The following OPCML variants were observed in gnomAD, a reference collection of about 807,000 sequenced individuals.
OPCML encodes opioid-binding protein/cell adhesion molecule.
Under a neutral mutation model 37.8 loss-of-function variants are expected in OPCML, and 13 were observed. That is an observed-to-expected ratio of 0.34 (90% CI 0.22 to 0.55). The LOEUF is 0.55. Among genes scored for constraint, OPCML ranks in the 20% least tolerant of loss-of-function variants. The probability of loss-of-function intolerance (pLI) is 0.91; values close to 1 mark genes in which losing one functional copy is unlikely to be tolerated. For missense variants in OPCML, 341 were observed against 435.6 expected, an observed-to-expected ratio of 0.78 and a Z score of 1.93; for synonymous variants, 176 against 168.8, an observed-to-expected ratio of 1.04 and a Z score of -0.33.
intron 1 of OPCML, among the ~76,000 whole-genome samples, chr11:133,308,581 G>A (rs1214672971): frequency 2.0e-5 from 3 of 152,108 alleles, no homozygotes; most frequent in East Asian, 3.9e-4. Context: ...GTTTCTGTAT[G>A]AGTTAGTCCA....
intron 2 of OPCML, among the ~76,000 whole-genome samples, chr11:132,852,086 C>A (rs926404127): frequency 6.6e-6 from 1 of 152,166 alleles, no homozygotes; most frequent in Non-Finnish European, 1.5e-5. Context: ...TTCTTACCAC[C>A]AGAGACGGGC....
rs1946033199 is a variant in OPCML at position 133,427,764 on chromosome 11, A to G, written c.61+104500T>C. Among the ~76,000 whole-genome samples the G allele has an allele frequency of 2.0e-5, 3 of 152,194 alleles. No individual in the cohort carries two copies. The South Asian group carries it at 6.2e-4, about 32-fold the overall frequency. On this transcript the variant is annotated intron_variant, in intron 1 of 7. Transcript: ENST00000524381. ...ACCGAAATACACCAATAATCATGAG[A>G]AAGACAATAAATTATCAAAAAAGTT...
intron 3 of OPCML, among the ~76,000 whole-genome samples, chr11:132,620,352 A>T (rs562964311): frequency 6.6e-6 from 1 of 152,334 alleles, no homozygotes; most frequent in South Asian, 2.1e-4. Flanking sequence ...AGCTCTTGAG[A>T]AATTGGATGG....
chr11:133,479,684 C>A (rs1591545671), intron 1 of OPCML, among the ~76,000 whole-genome samples: 1 of 152,192 alleles, frequency 6.6e-6, no homozygotes, highest in Admixed American at 6.5e-5. Flanking sequence ...GGGGTCCTCA[C>A]CCATTTGGGC....
intron 2 of OPCML, 41 bp from the exon 3 acceptor site, chr11:132,657,360 A>G: frequency 6.2e-7 from 1 of 1,607,014 alleles, no homozygotes; most frequent in Non-Finnish European, 8.5e-7. Context: ...GAAGAAGGGA[A>G]AGAGAGAGAG....
intron 2 of OPCML, among the ~76,000 whole-genome samples, chr11:132,767,373 G>C (rs1946481443): frequency 6.6e-6 from 1 of 152,150 alleles, no homozygotes; most frequent in South Asian, 2.1e-4. Flanking sequence ...GCTCTGAGAG[G>C]TTATGGGATT....
At chr11:133,315,448 C>T (rs1296234029) in intron 1 of OPCML, among the ~76,000 whole-genome samples, 3 of 152,120 alleles carry the variant, frequency 2.0e-5, no homozygotes, top group Admixed American at 6.5e-5. Context: ...CTCTTTCTTT[C>T]CAAAGTCACC....
At chr11:133,193,877 A>T (rs1938423651) in intron 1 of OPCML, among the ~76,000 whole-genome samples, 1 of 152,230 alleles carries the variant, frequency 6.6e-6, no homozygotes. Context: ...CAATAATAAC[A>T]GCAATAATCA....
rs1950317215 is a variant in OPCML, at chr11:133,173,584, C to T, written c.62-230574G>A. On this transcript the variant is annotated intron_variant, in intron 1 of 7. Coordinates refer to ENST00000524381, the MANE Select transcript of OPCML (RefSeq NM_001012393.5). This position sits in a 1 kb window ranked among gnomAD's most constrained non-coding sequence, Gnocchi z 7.8. ...GAGGAAGCCACCAGCATTCAAATCA[C>T]ATCACCTTTCAAATCACCCCCCAGA... 6.6e-6 allele frequency among the ~76,000 whole-genome samples: 1 copy of T among 152,124 alleles called. No individual in the cohort carries two copies. The highest frequency in any genetic ancestry group is 1.5e-5 in the Non-Finnish European group (1 of 68,018).
At chr11:133,327,440 C>A (rs1011517842) in intron 1 of OPCML, among the ~76,000 whole-genome samples, 3 of 151,770 alleles carry the variant, frequency 2.0e-5, no homozygotes, top group Non-Finnish European at 2.9e-5. Flanking sequence ...GTCAACTGCT[C>A]GAGGTAATTC....
chr11:133,470,547 G>A (rs1227748587), intron 1 of OPCML, among the ~76,000 whole-genome samples: 1 of 152,160 alleles, frequency 6.6e-6, no homozygotes, highest in Admixed American at 6.5e-5. Context: ...CTGGCAAAGT[G>A]TGATGTCCTT....
chr11:132,785,408 C>A lies in OPCML; in HGVS notation c.147-128089G>T, dbSNP rs148502263. Among the ~76,000 whole-genome samples the A allele has an allele frequency of 1.1e-3, 160 of 152,292 alleles. 1 individual carries two copies. Among genetic ancestry groups the A allele is most frequent in the African/African-American group, 3.5e-3 (147 of 41,566 alleles). The stretch of plus-strand genomic sequence containing the variant: ...TGCTTCTGCATCCAAGCATTTTACC[C>A]TTATGAACTTGGTACAAATTGTGAC... On this transcript the variant is annotated intron_variant, in intron 2 of 7. Transcript: ENST00000524381.
intron 4 of OPCML, among the ~76,000 whole-genome samples, chr11:132,469,399 TTG>T (rs925317296): frequency 1.3e-5 from 2 of 150,898 alleles, no homozygotes; most frequent in African/African-American, 2.4e-5. Context: ...TGGGGTGTGT[TTG>T]TGTGTGGGGG....
intron 1 of OPCML, among the ~76,000 whole-genome samples, chr11:133,179,961 C>T (rs1937744424): frequency 6.6e-6 from 1 of 152,096 alleles, no homozygotes; most frequent in Admixed American, 6.6e-5. Flanking sequence ...GTGATGGAAG[C>T]CCTGGAATAA....
At chr11:132,849,548 G>A (rs544649499) in intron 2 of OPCML, among the ~76,000 whole-genome samples, 99 of 152,218 alleles carry the variant, frequency 6.5e-4, no homozygotes, top group African/African-American at 2.2e-3. Flanking sequence ...AATCAAGTGG[G>A]GTATATGGAG....
intron 1 of OPCML, among the ~76,000 whole-genome samples, chr11:132,984,660 C>T (rs945576621): frequency 1.1e-4 from 16 of 152,166 alleles, no homozygotes; most frequent in African/African-American, 3.6e-4. Context: ...CCCAACCTCA[C>T]ACCAGCATCT....
intron 2 of OPCML, among the ~76,000 whole-genome samples, chr11:132,673,961 T>G: frequency 6.6e-6 from 1 of 152,188 alleles, no homozygotes; most frequent in East Asian, 1.9e-4. Flanking sequence ...TTCCTACTTC[T>G]GTACTACCCT....
chr11:132,677,688 C>T (rs533047405), intron 2 of OPCML, among the ~76,000 whole-genome samples: 3 of 152,174 alleles, frequency 2.0e-5, no homozygotes, highest in African/African-American at 7.2e-5. Flanking sequence ...ACTGGTACAG[C>T]TTGATGTCCA....
intron 2 of OPCML, among the ~76,000 whole-genome samples, chr11:132,905,225 C>CTTTTT (rs373679886): frequency 7.5e-4 from 66 of 88,332 alleles, no homozygotes; most frequent in Non-Finnish European, 9.8e-4. Flanking sequence ...GAAAGCAGTT[C>CTTTTT]TTTTTTTTTT....
Sources: gnomAD v4.1 joint callset for allele counts (sites outside exome capture counted in the v4.1 genomes callset) on GRCh38, gnomAD v4.1.1 for gene constraint, Gnocchi (gnomAD v3.1) non-coding constraint, MANE v1.5 for transcripts, NCBI Gene and HGNC (gene_info 2026-07-23, HGNC 2026-07-21) for gene names.